DENND1B: variants seen among roughly 807,000 people sequenced by gnomAD.
The protein encoded by DENND1B is DENN domain-containing protein 1B.
In DENND1B, 59 loss-of-function variants were observed where a neutral mutation model predicts 90.1. That is an observed-to-expected ratio of 0.65 (90% confidence interval 0.53 to 0.81). DENND1B has a LOEUF of 0.81. DENND1B is among the 40% of genes least tolerant of loss of function. The pLI is 0.00. For synonymous variants in DENND1B, 337 were observed against 324.6 expected (o/e 1.04, Z -0.41); for missense variants, 862 against 912.6 (o/e 0.94, Z 0.71).
intron 20 of DENND1B, among the ~76,000 whole-genome samples, chr1:197,537,424 T>C (rs1669991809): frequency 6.6e-6 from 1 of 152,140 alleles, no homozygotes. Context: ...AAGTATACAC[T>C]GAATGGAACC....
chr1:197,529,725 CAAGT>C (rs1295310742), intron 20 of DENND1B, among the ~76,000 whole-genome samples: 25 of 152,064 alleles, frequency 1.6e-4, no homozygotes, highest in African/African-American at 4.1e-4. Flanking sequence ...TAAATGTTTA[CAAGT>C]AAGTATTTTT....
At chr1:197,622,504 T>C (rs1453399879) in intron 10 of DENND1B, among the ~76,000 whole-genome samples, 1 of 151,438 alleles carries the variant, frequency 6.6e-6, no homozygotes, top group Non-Finnish European at 1.5e-5. Flanking sequence ...ACTGAAAATA[T>C]TGTGTTTTAT....
intron 14 of DENND1B, 138 bp from the exon 15 acceptor site, chr1:197,583,391 TTAGGC>T: frequency 1.5e-6 from 1 of 678,332 alleles, no homozygotes. Flanking sequence ...ACAGAATAGT[TTAGGC>T]TAGTAGAAAT....
rs141712038 is a variant in DENND1B, at chr1:197,510,469, G to C, written c.2319C>G (p.Asn773Lys). 3.1e-6 allele frequency: 5 copies of C among 1,601,272 alleles called. No homozygotes were observed. In the African/African-American group the frequency reaches 6.7e-5, roughly 22 times the overall value. ...AGCTTGGATGCAAGATTTAAGTTTGGTTTCCATTTGTGTTTTTGTCTGAAA... is the reference window on the plus strand; with the variant it reads ...AGCTTGGATGCAAGATTTAAGTTTGCTTTCCATTTGTGTTTTTGTCTGAAA... Reference protein sequence around the residue: ...LNISDKNTNGNQT With the variant: ...LNISDKNTNGKQT Residue 773 changes from asparagine to lysine, a missense_variant, in exon 23 of 23, where the codon AAC becomes AAG. Physicochemically the swap from Asn to Lys is moderately conservative, Grantham distance 94. Transcript: ENST00000620048.
chr1:197,550,490 T>C (rs983949327), intron 16 of DENND1B, among the ~76,000 whole-genome samples: 7 of 152,002 alleles, frequency 4.6e-5, no homozygotes, highest in African/African-American at 1.7e-4. Context: ...CCATAAAAAA[T>C]GATGAGTTCA....
intron 3 of DENND1B, among the ~76,000 whole-genome samples, chr1:197,687,823 G>A (rs907824961): frequency 5.9e-5 from 9 of 151,830 alleles, no homozygotes; most frequent in Admixed American, 2.0e-4. Context: ...AGAGCAATTC[G>A]GCAATAAAAA....
At chr1:197,734,799 GC>G (rs1662485426) in intron 2 of DENND1B, 1 of 982,220 alleles carries the variant, frequency 1.0e-6, no homozygotes, top group African/African-American at 1.8e-5. Context: ...ACATAAATAT[GC>G]TTTTTTTTTA....
Position 197,508,216 on chromosome 1 carries a change from T to C in DENND1B, c.*2244A>G, listed in dbSNP as rs1667816513. The C allele has an allele frequency of 6.6e-6, 1 of 151,684 alleles. No individual in the cohort carries two copies. The highest frequency in any genetic ancestry group is 2.4e-5 in the African/African-American group (1 of 41,388). The allele number at this position is 151,684 out of a possible 1,614,324, so 9.4% of individuals were successfully genotyped here. ...CAAAAAACCATACCTCATTTCAAAA[T>C]TCATATTAAAATGCTGATTTGCATT... On this transcript the variant is annotated 3_prime_UTR_variant, in exon 23 of 23. Coordinates refer to ENST00000620048, the MANE Select transcript of DENND1B (RefSeq NM_001195215.2).
At chr1:197,775,918 T>TA (rs1257375046), upstream of DENND1B, among the ~76,000 whole-genome samples, 1 of 152,208 alleles carries the variant, frequency 6.6e-6, no homozygotes, top group Non-Finnish European at 1.5e-5. Context: ...GTGGCCTGCT[T>TA]ACAGCTCTCT....
At chr1:197,575,949 G>A (rs187510876) in intron 15 of DENND1B, among the ~76,000 whole-genome samples, 3 of 152,278 alleles carry the variant, frequency 2.0e-5, no homozygotes, top group African/African-American at 7.2e-5. Context: ...GGGCCTGGGG[G>A]AGGGATAGCA....
chr1:197,606,597 T>C (rs1221662958), intron 13 of DENND1B: 1 of 151,860 alleles, frequency 6.6e-6, no homozygotes, highest in Non-Finnish European at 1.5e-5. Flanking sequence ...ACCCCAACTG[T>C]ACAAGCATTT....
chr1:197,515,746 G>T (rs747622927), intron 20 of DENND1B, among the ~76,000 whole-genome samples: 2 of 151,718 alleles, frequency 1.3e-5, no homozygotes, highest in Non-Finnish European at 2.9e-5. Context: ...TCAAGCCTTT[G>T]ACACTAAACA....
chr1:197,613,206 C>T (rs954696690), intron 11 of DENND1B, among the ~76,000 whole-genome samples: 1 of 150,742 alleles, frequency 6.6e-6, no homozygotes, highest in Admixed American at 6.6e-5. Flanking sequence ...GATTACACAG[C>T]CACCCTGACA....
At chr1:197,680,811 A>G (rs10801621) in intron 3 of DENND1B, among the ~76,000 whole-genome samples, 11,747 of 152,228 alleles carry the variant, frequency 0.077, 554 homozygotes, top group Non-Finnish European at 0.098. Context: ...ACTACTGGTT[A>G]TGTGCTCCAG....
At chr1:197,538,597 T>C (rs1358156827) in intron 20 of DENND1B, among the ~76,000 whole-genome samples, 1 of 151,476 alleles carries the variant, frequency 6.6e-6, no homozygotes, top group East Asian at 1.9e-4. Context: ...CTTTTATATA[T>C]ACCTGGTATC....
In DENND1B at chr1:197,508,954, C is replaced by T. The variant is rs1006557970; in HGVS notation, c.*1506G>A. On this transcript the variant is annotated 3_prime_UTR_variant, in exon 23 of 23. Transcript: ENST00000620048. ...TTATTTATGTAGATACTTCTCTGCCCTAAAGAAGGGGAATTATGACTCCTC... is the reference window on the plus strand; with the variant it reads ...TTATTTATGTAGATACTTCTCTGCCTTAAAGAAGGGGAATTATGACTCCTC... 2 of 151,514 alleles carry T rather than the reference C, an allele frequency of 1.3e-5. No individual in the cohort carries two copies. Among genetic ancestry groups the T allele is most frequent in the Non-Finnish European group, 3.0e-5 (2 of 67,778 alleles). 9.4% of individuals were successfully genotyped at this position (151,514 alleles called of 1,614,324 possible).
chr1:197,666,208 T>C (rs1654923885), intron 5 of DENND1B, among the ~76,000 whole-genome samples: 1 of 152,224 alleles, frequency 6.6e-6, no homozygotes, highest in South Asian at 2.1e-4. Flanking sequence ...TAAGCATGTG[T>C]AAACATTCTA....
intron 12 of DENND1B, 93 bp downstream of exon 12, chr1:197,611,838 C>A (rs535926164): frequency 1.6e-5 from 17 of 1,075,250 alleles, no homozygotes; most frequent in African/African-American, 1.4e-4. Context: ...ACTTCTTTGT[C>A]CTATACCACT....
intron 10 of DENND1B, among the ~76,000 whole-genome samples, chr1:197,622,301 T>G (rs1678245116): frequency 6.6e-6 from 1 of 151,388 alleles, no homozygotes; most frequent in Non-Finnish European, 1.5e-5. Context: ...TATCATTACT[T>G]CTACTTATCA....
Sources: gnomAD v4.1 joint callset for allele counts (sites outside exome capture counted in the v4.1 genomes callset) on GRCh38, gnomAD v4.1.1 for gene constraint, MANE v1.5 for transcripts, NCBI Gene and HGNC (gene_info 2026-07-23, HGNC 2026-07-21) for gene names.